The following SPAG16 variants were observed in gnomAD, a reference collection of about 807,000 sequenced individuals.
SPAG16 encodes sperm-associated antigen 16 protein.
SPAG16 carries 86 observed loss-of-function variants against 80.4 expected under a neutral mutation model. That is an observed-to-expected ratio of 1.07 (90% CI 0.90 to 1.28). The LOEUF (loss-of-function observed/expected upper bound fraction) is 1.28, where lower values mean the gene tolerates loss of function less well. Among genes scored for constraint, SPAG16 ranks in the 50% most tolerant of loss-of-function variants. The pLI, the probability that SPAG16 is intolerant of heterozygous loss-of-function variation, is 0.00. For synonymous variants in SPAG16, 294 were observed against 265.9 expected (o/e 1.11, Z -1.03); for missense variants, 870 against 765.3 (o/e 1.14, Z -1.61).
At chr2:213,971,930 G>T (rs10207714) in intron 12 of SPAG16, among the ~76,000 whole-genome samples, 62,445 of 150,118 alleles carry the variant, frequency 0.42, 12,947 homozygotes, top group South Asian at 0.5. Context: ...ATATCTAATT[G>T]TGTGTGTGTG....
intron 10 of SPAG16, among the ~76,000 whole-genome samples, chr2:213,695,993 T>G (rs553573413): frequency 2.4e-4 from 36 of 152,288 alleles, no homozygotes; most frequent in Non-Finnish European, 4.4e-4. Context: ...AGTAGGTAAT[T>G]CAAGTAATGT....
intron 10 of SPAG16, among the ~76,000 whole-genome samples, chr2:213,668,341 T>C (rs2063689423): frequency 6.6e-6 from 1 of 151,672 alleles, no homozygotes; most frequent in Non-Finnish European, 1.5e-5. Flanking sequence ...ATACATAGAC[T>C]ATTGGTCTTA....
chr2:213,898,175 G>C (rs1269271064), intron 11 of SPAG16, among the ~76,000 whole-genome samples: 3 of 152,140 alleles, frequency 2.0e-5, no homozygotes, highest in Admixed American at 6.6e-5. Context: ...GAAAGACTAT[G>C]TATGTTTCAG....
At chr2:214,067,201 C>G (rs1184437558) in intron 13 of SPAG16, among the ~76,000 whole-genome samples, 1 of 152,176 alleles carries the variant, frequency 6.6e-6, no homozygotes, top group African/African-American at 2.4e-5. Context: ...ACAAATCCAT[C>G]ACTTTCATTG....
intron 12 of SPAG16, among the ~76,000 whole-genome samples, chr2:213,930,673 T>C (rs1013498463): frequency 1.3e-5 from 2 of 152,208 alleles, no homozygotes; most frequent in African/African-American, 4.8e-5. Flanking sequence ...TCATGTGGAT[T>C]TGGAAGTTTT....
At chr2:214,033,102 G>A (rs2048504609) in intron 13 of SPAG16, among the ~76,000 whole-genome samples, 1 of 152,134 alleles carries the variant, frequency 6.6e-6, no homozygotes, top group African/African-American at 2.4e-5. Flanking sequence ...AATATTTTTG[G>A]TCAAAGCAGA....
chr2:214,188,845 C>A (rs1002885649), intron 15 of SPAG16, among the ~76,000 whole-genome samples: 1 of 152,118 alleles, frequency 6.6e-6, no homozygotes, highest in African/African-American at 2.4e-5. Context: ...TAGCAGTCAT[C>A]AACTAATTTG....
At chr2:214,261,993 C>T (rs1691211472) in intron 15 of SPAG16, among the ~76,000 whole-genome samples, 1 of 152,036 alleles carries the variant, frequency 6.6e-6, no homozygotes, top group Non-Finnish European at 1.5e-5. Flanking sequence ...AAGGGGAATT[C>T]TCATACAGTT....
rs533093598 is a variant in SPAG16 at position 213,751,720 on chromosome 2, G to C, written c.1071-110765G>C. Among the ~76,000 whole-genome samples, 10 of 152,262 alleles carry C rather than the reference G, an allele frequency of 6.6e-5. No individual in the cohort carries two copies. The South Asian group carries it at 1.9e-3, about 28-fold the overall frequency. The stretch of plus-strand genomic sequence containing the variant: ...TCAGCCAGAGCTCTTTTGGGCAGTG[G>C]CTGTCTTGACAAGAATAAACAAGGG... On this transcript the variant is annotated intron_variant, in intron 10 of 15. Coordinates refer to ENST00000331683, the MANE Select transcript of SPAG16 (RefSeq NM_024532.5).
intron 15 of SPAG16, among the ~76,000 whole-genome samples, chr2:214,285,736 G>C (rs1693307877): frequency 6.6e-6 from 1 of 152,116 alleles, no homozygotes; most frequent in South Asian, 2.1e-4. Flanking sequence ...CTGGGAGGCG[G>C]AGGTTGCAGT....
At position 213,319,161 on chromosome 2, in the gene SPAG16, A is replaced by C. The variant is rs192670091; in HGVS notation, c.536+1805A>C. ...TTATTTATTAATTCATTTTTATTAAATATAGTTAAAGAGGGCCTTTCTCAC... is the reference window on the plus strand; with the variant it reads ...TTATTTATTAATTCATTTTTATTAACTATAGTTAAAGAGGGCCTTTCTCAC... On this transcript the variant is annotated intron_variant, in intron 5 of 15. Coordinates refer to ENST00000331683, the MANE Select transcript of SPAG16 (RefSeq NM_024532.5). 8.0e-4 allele frequency among the ~76,000 whole-genome samples: 121 copies of C among 152,102 alleles called. 1 individual carries two copies. The highest frequency in any genetic ancestry group is 1.1e-3 in the Non-Finnish European group (75 of 67,888).
chr2:214,176,159 C>A (rs760673766), intron 15 of SPAG16, among the ~76,000 whole-genome samples: 1 of 151,054 alleles, frequency 6.6e-6, no homozygotes, highest in Non-Finnish European at 1.5e-5. Flanking sequence ...ATGACAATGT[C>A]CTCAAATATA....
At chr2:213,548,954 C>T (rs1409569270) in intron 10 of SPAG16, among the ~76,000 whole-genome samples, 4 of 151,882 alleles carry the variant, frequency 2.6e-5, no homozygotes, top group African/African-American at 7.2e-5. Context: ...TCATATAAAG[C>T]GTGAATGCCA....
At chr2:213,482,134 C>T (rs919311104) in intron 9 of SPAG16, among the ~76,000 whole-genome samples, 2 of 152,218 alleles carry the variant, frequency 1.3e-5, no homozygotes, top group Non-Finnish European at 2.9e-5. Flanking sequence ...CTCTCTTGTA[C>T]TACATTGTGC....
chr2:213,869,281 G>GTA (rs1364865230), intron 11 of SPAG16, among the ~76,000 whole-genome samples: 17 of 36,886 alleles, frequency 4.6e-4, no homozygotes, highest in Non-Finnish European at 9.1e-4. Flanking sequence ...ATATATATAT[G>GTA]TATATATATA....
At chr2:214,123,372 T>C (rs373670030) in intron 14 of SPAG16, among the ~76,000 whole-genome samples, 2 of 152,004 alleles carry the variant, frequency 1.3e-5, no homozygotes, top group African/African-American at 2.4e-5. Context: ...AATTATGTCA[T>C]ATTTCTTGAC....
At chr2:213,977,435 G>T in intron 12 of SPAG16, among the ~76,000 whole-genome samples, 1 of 151,454 alleles carries the variant, frequency 6.6e-6, no homozygotes, top group East Asian at 1.9e-4. Context: ...GCAGGTTACT[G>T]CCCCCCCCAT....
intron 11 of SPAG16, among the ~76,000 whole-genome samples, chr2:213,869,291 A>ATATATTTG (rs1449042675): frequency 8.1e-6 from 1 of 123,276 alleles, no homozygotes; most frequent in African/African-American, 2.8e-5. Flanking sequence ...GTATATATAT[A>ATATATTTG]TGTATATATA....
At chr2:214,096,503 C>T (rs1015397075) in intron 13 of SPAG16, among the ~76,000 whole-genome samples, 10 of 151,502 alleles carry the variant, frequency 6.6e-5, no homozygotes, top group South Asian at 2.1e-4. Flanking sequence ...ATATATATTC[C>T]GATACACATA....
Sources: allele counts gnomAD v4.1 joint callset (sites outside exome capture counted in the v4.1 genomes callset), GRCh38; gene constraint gnomAD v4.1.1; transcripts MANE v1.5; gene names NCBI Gene and HGNC (gene_info 2026-07-23, HGNC 2026-07-21).